Variants in MYO5B observed in about 807,000 individuals in gnomAD.
The protein encoded by MYO5B is unconventional myosin-Vb.
MYO5B carries 143 observed loss-of-function variants against 229.3 expected under a neutral mutation model. The ratio of observed to expected loss-of-function variants is 0.62; its 90% CI spans 0.54 to 0.72. The LOEUF (loss-of-function observed/expected upper bound fraction) is 0.72, where lower values mean the gene tolerates loss of function less well. Among genes scored for constraint, MYO5B ranks in the 30% least tolerant of loss-of-function variants. The pLI is 0.00. For synonymous variants in MYO5B, 918 were observed against 885.2 expected (o/e 1.04, Z -0.66); for missense variants, 2,321 against 2,331.0 (o/e 1.00, Z 0.09).
At chr18:49,837,344 G>T (rs2023999742) in intron 37 of MYO5B, among the ~76,000 whole-genome samples, 173 bp downstream of exon 37, 3 of 152,188 alleles carry the variant, frequency 2.0e-5, no homozygotes, top group African/African-American at 7.2e-5. Flanking sequence ...GTGTTCGACG[G>T]ATTTCACCAA....
intron 1 of MYO5B, among the ~76,000 whole-genome samples, chr18:50,138,532 T>C (rs1229742506): frequency 2.0e-5 from 3 of 152,140 alleles, no homozygotes; most frequent in East Asian, 3.9e-4. Context: ...CAGTGTTAAA[T>C]TGCTCTGATT....
intron 22 of MYO5B, among the ~76,000 whole-genome samples, chr18:49,889,790 T>G (rs964379043): frequency 5.9e-5 from 9 of 152,206 alleles, no homozygotes; most frequent in Non-Finnish European, 1.0e-4. Context: ...GAATGCCACC[T>G]AAGAACATGT....
intron 1 of MYO5B, among the ~76,000 whole-genome samples, chr18:50,167,368 T>C (rs1346527546): frequency 6.6e-6 from 1 of 152,264 alleles, no homozygotes; most frequent in Non-Finnish European, 1.5e-5. Context: ...TGACCCCAAA[T>C]AAGAAGGCTT....
intron 1 of MYO5B, among the ~76,000 whole-genome samples, chr18:50,073,831 T>C (rs1014059864): frequency 1.4e-4 from 21 of 152,200 alleles, no homozygotes; most frequent in Non-Finnish European, 7.3e-5. Context: ...GGAGATGTCA[T>C]CATCCTGGCT....
intron 8 of MYO5B, among the ~76,000 whole-genome samples, chr18:49,983,176 G>A (rs1234672127): frequency 6.6e-6 from 1 of 152,148 alleles, no homozygotes; most frequent in African/African-American, 2.4e-5. Flanking sequence ...CTGAAGCTGG[G>A]CCCTGTAAAC....
chr18:49,831,780 T>C (rs886641480), intron 39 of MYO5B, among the ~76,000 whole-genome samples: 4 of 152,138 alleles, frequency 2.6e-5, no homozygotes, highest in Admixed American at 6.6e-5. Flanking sequence ...AACTGAAAAA[T>C]TGATCTCAGC....
chr18:50,063,528 T>C (rs561979975), intron 1 of MYO5B, among the ~76,000 whole-genome samples: 2 of 152,024 alleles, frequency 1.3e-5, no homozygotes, highest in South Asian at 2.1e-4. Flanking sequence ...TAACATAATA[T>C]ACACAGACGG....
At chr18:50,179,798 G>C (rs142217302) in intron 1 of MYO5B, among the ~76,000 whole-genome samples, 153 of 152,304 alleles carry the variant, frequency 1.0e-3, no homozygotes, top group African/African-American at 3.3e-3. Flanking sequence ...GTTCCCGAAA[G>C]AGCCTCATCT....
chr18:50,084,141 A>G lies in MYO5B; in HGVS notation c.28-28763T>C, dbSNP rs150366591. Among the ~76,000 whole-genome samples, 14 of 152,300 alleles carry G rather than the reference A, an allele frequency of 9.2e-5. No homozygotes were observed. In the East Asian group the frequency reaches 2.7e-3, roughly 29 times the overall value. ...TAACATTTAGCAGCACATGTTGCCAATTAGGGTTTCAATTTTCCATCTGCA... is the reference window on the plus strand; with the variant it reads ...TAACATTTAGCAGCACATGTTGCCAGTTAGGGTTTCAATTTTCCATCTGCA... On this transcript the variant is annotated intron_variant, in intron 1 of 39. Transcript: ENST00000285039.
chr18:50,001,124 T>C, intron 5 of MYO5B, 131 bp downstream of exon 5: 1 of 1,223,842 alleles, frequency 8.2e-7, no homozygotes, highest in Non-Finnish European at 1.2e-6. Context: ...CTTGGTAACT[T>C]TTCCTCCACA....
chr18:50,130,191 A>T (rs1048888801), intron 1 of MYO5B, among the ~76,000 whole-genome samples: 2 of 152,256 alleles, frequency 1.3e-5, no homozygotes, highest in South Asian at 2.1e-4. Context: ...ATGTTGGTTA[A>T]TACTGGGGGT....
chr18:49,913,205 C>T (rs1473293503), intron 17 of MYO5B, among the ~76,000 whole-genome samples: 2 of 152,148 alleles, frequency 1.3e-5, no homozygotes, highest in East Asian at 3.9e-4. Flanking sequence ...TTAAAGAAAG[C>T]CTTAAGTTTT....
At chr18:50,188,608 A>T (rs1259708983) in intron 1 of MYO5B, among the ~76,000 whole-genome samples, 1 of 151,898 alleles carries the variant, frequency 6.6e-6, no homozygotes, top group African/African-American at 2.4e-5. Context: ...CCAACATGGT[A>T]AAACCCCGTC....
chr18:50,075,572 A>G (rs929390085), intron 1 of MYO5B, among the ~76,000 whole-genome samples: 2 of 152,184 alleles, frequency 1.3e-5, no homozygotes, highest in Non-Finnish European at 2.9e-5. Context: ...AAGGCCATGC[A>G]GCGATGACAG....
At chr18:49,866,459 T>C (rs1242247055) in intron 27 of MYO5B, among the ~76,000 whole-genome samples, 2 of 152,170 alleles carry the variant, frequency 1.3e-5, no homozygotes, top group Non-Finnish European at 2.9e-5. Flanking sequence ...GAGAACTTTT[T>C]CACCTTTTCC....
chr18:49,891,306 C>T (rs2024711810), intron 22 of MYO5B, among the ~76,000 whole-genome samples: 1 of 152,162 alleles, frequency 6.6e-6, no homozygotes, highest in Non-Finnish European at 1.5e-5. Flanking sequence ...AAAGTGAAAT[C>T]ATACCCCTCA....
intron 4 of MYO5B, among the ~76,000 whole-genome samples, chr18:50,022,830 G>A (rs916028411): frequency 6.6e-6 from 1 of 152,104 alleles, no homozygotes; most frequent in Non-Finnish European, 1.5e-5. Flanking sequence ...CCCCACGCAG[G>A]CCCTTTACCC....
At chr18:50,175,071 A>G (rs140202830) in intron 1 of MYO5B, among the ~76,000 whole-genome samples, 75 of 152,338 alleles carry the variant, frequency 4.9e-4, no homozygotes, top group African/African-American at 1.7e-3. Flanking sequence ...TGACATCTAA[A>G]GAAAGGCAAA....
chr18:50,186,464 A>G (rs1430486499), intron 1 of MYO5B, among the ~76,000 whole-genome samples: 1 of 152,200 alleles, frequency 6.6e-6, no homozygotes, highest in African/African-American at 2.4e-5. Context: ...CTTCTTTCAG[A>G]CTGCTCTTGC....
Sources: gnomAD v4.1 joint callset for allele counts (sites outside exome capture counted in the v4.1 genomes callset) on GRCh38, gnomAD v4.1.1 for gene constraint, MANE v1.5 for transcripts, NCBI Gene and HGNC (gene_info 2026-07-23, HGNC 2026-07-21) for gene names.